The following NR3C1 variants were observed in gnomAD, a reference collection of about 807,000 sequenced individuals.
NR3C1 encodes glucocorticoid receptor.
A neutral mutation model predicts 74.0 loss-of-function variants in NR3C1; 14 were observed. The ratio of observed to expected loss-of-function variants is 0.19; its 90% confidence interval spans 0.12 to 0.30. The LOEUF (loss-of-function observed/expected upper bound fraction) is 0.30. Among genes scored for constraint, NR3C1 ranks in the 10% least tolerant of loss-of-function variants. The probability of loss-of-function intolerance (pLI) is 1.00; values close to 1 mark genes in which losing one functional copy is unlikely to be tolerated. For synonymous variants in NR3C1, 308 were observed against 332.5 expected, an observed-to-expected ratio of 0.93 and a Z score of 0.80; for missense variants, 695 against 909.8, an observed-to-expected ratio of 0.76 and a Z score of 3.04.
Position 143,384,895 on chromosome 5 carries a change from G to A in NR3C1, c.1184+14761C>T, listed in dbSNP as rs114690180. Among the ~76,000 whole-genome samples the A allele has an allele frequency of 4.2e-3, 640 of 152,322 alleles. 2 individuals carry two copies. Among genetic ancestry groups the A allele is most frequent in the African/African-American group, 0.015 (614 of 41,570 alleles). Reference sequence around the variant, plus strand: ...GCCCCAGTGGGGTCTCTGTGTGGGGGCTCTAACCCCATGTATCTCCTCTGC... The same window carrying A: ...GCCCCAGTGGGGTCTCTGTGTGGGGACTCTAACCCCATGTATCTCCTCTGC... On this transcript the variant is annotated intron_variant, in intron 2 of 8. Coordinates refer to ENST00000394464, the MANE Select transcript of NR3C1 (RefSeq NM_000176.3).
intron 2 of NR3C1, among the ~76,000 whole-genome samples, chr5:143,377,566 C>A (rs1835430084): frequency 6.6e-6 from 1 of 152,256 alleles, no homozygotes; most frequent in Non-Finnish European, 1.5e-5. Context: ...GATACAGGCT[C>A]CTTTGAGGTC....
At chr5:143,404,471 G>A (rs1362228422), upstream of NR3C1, 2 of 985,060 alleles carry the variant, frequency 2.0e-6, no homozygotes, top group African/African-American at 3.5e-5. Flanking sequence ...CTCTCGCACT[G>A]GGAGAGAAGT....
At chr5:143,405,467 C>G (rs1019927020), upstream of NR3C1, 21 of 613,546 alleles carry the variant, frequency 3.4e-5, no homozygotes, top group Non-Finnish European at 4.1e-5. Flanking sequence ...CCGCGGCCAC[C>G]ATCTTGGCAA....
At chr5:143,349,630 C>G (rs553075215) in intron 2 of NR3C1, among the ~76,000 whole-genome samples, 8 of 152,296 alleles carry the variant, frequency 5.3e-5, no homozygotes, top group African/African-American at 1.9e-4. Flanking sequence ...CTGCAGCTTT[C>G]ATAGCCTTGT....
chr5:143,315,100 GATAT>G (rs202155334), intron 2 of NR3C1, among the ~76,000 whole-genome samples: 1,965 of 152,268 alleles, frequency 0.013, 25 homozygotes, highest in Middle Eastern at 0.027. Flanking sequence ...TTGTACAATG[GATAT>G]ATACTTTTCA....
chr5:143,392,653 TCA>T (rs749600504), intron 2 of NR3C1, among the ~76,000 whole-genome samples: 6 of 152,190 alleles, frequency 3.9e-5, no homozygotes, highest in Admixed American at 3.9e-4. Context: ...ATAAAAACTT[TCA>T]CAGAGTTGAG....
At chr5:143,301,230 T>C (rs991793053) in intron 4 of NR3C1, among the ~76,000 whole-genome samples, 2 of 152,134 alleles carry the variant, frequency 1.3e-5, no homozygotes, top group African/African-American at 4.8e-5. Flanking sequence ...ATCATGGTAG[T>C]ATATATAATG....
At chr5:143,418,023 A>T (rs1751002829) in intron 1 of NR3C1, among the ~76,000 whole-genome samples, 1 of 152,188 alleles carries the variant, frequency 6.6e-6, no homozygotes, top group African/African-American at 2.4e-5. Context: ...CCAGCAAAAT[A>T]CTACAGCCAA....
At chr5:143,410,655 C>T (rs1336185175) in intron 1 of NR3C1, among the ~76,000 whole-genome samples, 1 of 152,172 alleles carries the variant, frequency 6.6e-6, no homozygotes, top group Non-Finnish European at 1.5e-5. Context: ...ATCTACCCCA[C>T]CTATCACACA....
At chr5:143,334,037 A>C (rs570875297) in intron 2 of NR3C1, among the ~76,000 whole-genome samples, 1 of 152,286 alleles carries the variant, frequency 6.6e-6, no homozygotes, top group South Asian at 2.1e-4. Flanking sequence ...ATCTTCAGAG[A>C]AGATTATTTC....
rs527246890 is a variant in NR3C1 at position 143,434,963 on chromosome 5, T to C, written c.-445A>G. 29 of 985,394 alleles carry C rather than the reference T, an allele frequency of 2.9e-5. No individual in the cohort carries two copies. The South Asian group carries it at 9.9e-4, about 34-fold the overall frequency. 61.0% of individuals were successfully genotyped at this position (985,394 alleles called of 1,614,324 possible). ...ATCCTGTCTCTCGGGTATAACTTTTTTTTTTTTGGAGAGAAATACAGTGAC... is the reference window on the plus strand; with the variant it reads ...ATCCTGTCTCTCGGGTATAACTTTTCTTTTTTTGGAGAGAAATACAGTGAC... On this transcript the variant is annotated 5_prime_UTR_variant, in exon 1 of 9. Coordinates refer to the NR3C1 transcript ENST00000343796.
chr5:143,428,058 T>G (rs1341791136), intron 1 of NR3C1, among the ~76,000 whole-genome samples: 1 of 152,230 alleles, frequency 6.6e-6, no homozygotes, highest in Non-Finnish European at 1.5e-5. Context: ...AAAATGGGCT[T>G]TTTGACTTAA....
rs757051036 is a variant in NR3C1, at chr5:143,282,766, T to C, written c.2024-41A>G. On this transcript the variant is annotated intron_variant, in intron 7 of 8. Coordinates refer to ENST00000394464, the MANE Select transcript of NR3C1 (RefSeq NM_000176.3). ...GAAGTCAGTTAAAGGATTTTCTTTT[T>C]CTTTTCTTTTCTTTTTTTTTTTTTT... The C allele has an allele frequency of 5.1e-6, 8 of 1,580,442 alleles. No individual in the cohort carries two copies. In the Admixed American group the frequency reaches 5.4e-5, roughly 11 times the overall value.
At chr5:143,350,078 T>G (rs938457275) in intron 2 of NR3C1, among the ~76,000 whole-genome samples, 1 of 152,120 alleles carries the variant, frequency 6.6e-6, no homozygotes, top group African/African-American at 2.4e-5. Context: ...TTAGAAAGGT[T>G]ATACAATAAA....
chr5:143,353,636 A>T lies in NR3C1; in HGVS notation c.1185-39468T>A, dbSNP rs149920692. Among the ~76,000 whole-genome samples, 773 of 152,190 alleles carry T rather than the reference A, an allele frequency of 5.1e-3. 6 individuals are homozygous for T. Among genetic ancestry groups the T allele is most frequent in the African/African-American group, 0.018 (740 of 41,506 alleles). Reference sequence around the variant, plus strand: ...GAACAGCAATATTTTGAAAGTAATCATTTTTTTCTGAGCAGTTGAACAGGT... The same window carrying T: ...GAACAGCAATATTTTGAAAGTAATCTTTTTTTTCTGAGCAGTTGAACAGGT... On this transcript the variant is annotated intron_variant, in intron 2 of 8. Transcript: ENST00000394464.
At chr5:143,358,629 C>T (rs1208939246) in intron 2 of NR3C1, among the ~76,000 whole-genome samples, 4 of 152,156 alleles carry the variant, frequency 2.6e-5, no homozygotes, top group South Asian at 4.1e-4. Flanking sequence ...TGGCCGGGCG[C>T]GGTGGCTCAC....
chr5:143,332,339 T>TTC (rs1826145292), intron 2 of NR3C1, among the ~76,000 whole-genome samples: 1 of 150,098 alleles, frequency 6.7e-6, no homozygotes, highest in African/African-American at 2.5e-5. Context: ...ATCCATAACT[T>TTC]TCTGTAAGAA....
intron 4 of NR3C1, among the ~76,000 whole-genome samples, chr5:143,301,367 G>A (rs183485375): frequency 1.1e-4 from 16 of 152,160 alleles, no homozygotes; most frequent in Non-Finnish European, 2.1e-4. Flanking sequence ...CTTTACATAG[G>A]TACTAACATA....
chr5:143,402,734 C>A (rs1486401901), intron 1 of NR3C1: 2 of 985,270 alleles, frequency 2.0e-6, no homozygotes, highest in Non-Finnish European at 2.4e-6. Flanking sequence ...TCAAGCCAGG[C>A]GCCGCCGGGG....
Sources: gnomAD v4.1 joint callset for allele counts (sites outside exome capture counted in the v4.1 genomes callset) on GRCh38, gnomAD v4.1.1 for gene constraint, MANE v1.5 for transcripts, NCBI Gene and HGNC (gene_info 2026-07-23, HGNC 2026-07-21) for gene names.